The following DOCK1 variants were observed in gnomAD, a reference collection of about 807,000 sequenced individuals.
DOCK1 encodes dedicator of cytokinesis protein 1.
In DOCK1, 138 loss-of-function variants were observed where a neutral mutation model predicts 262.7. The observed-to-expected ratio is 0.53, with a 90% CI of 0.46 to 0.61. The LOEUF (loss-of-function observed/expected upper bound fraction) is 0.61, where lower values mean the gene tolerates loss of function less well. DOCK1 is among the 20% of genes least tolerant of loss of function. The pLI is 0.00. For synonymous variants in DOCK1, 866 were observed against 867.4 expected, an observed-to-expected ratio of 1.00 and a Z score of 0.03; for missense variants, 1,908 against 2,370.7, an observed-to-expected ratio of 0.80 and a Z score of 4.05.
At chr10:126,966,164 C>A (rs2037660969) in intron 1 of DOCK1, among the ~76,000 whole-genome samples, 1 of 152,210 alleles carries the variant, frequency 6.6e-6, no homozygotes, top group African/African-American at 2.4e-5. Flanking sequence ...TCCTCCAATT[C>A]CATCCATGTT....
intron 25 of DOCK1, among the ~76,000 whole-genome samples, chr10:127,110,659 A>G (rs963039248): frequency 4.6e-5 from 7 of 152,302 alleles, no homozygotes; most frequent in Admixed American, 2.6e-4. Flanking sequence ...TGGGGAGGCA[A>G]TCACTTCGCT....
intron 23 of DOCK1, among the ~76,000 whole-genome samples, chr10:127,094,659 A>C (rs1309252610): frequency 6.6e-6 from 1 of 152,210 alleles, no homozygotes; most frequent in East Asian, 1.9e-4. Flanking sequence ...GCTGTCCTGC[A>C]CACACTTATC....
intron 27 of DOCK1, among the ~76,000 whole-genome samples, chr10:127,225,057 A>G (rs574329062): frequency 6.6e-6 from 1 of 152,328 alleles, no homozygotes; most frequent in African/African-American, 2.4e-5. Context: ...CCTGAAGTTC[A>G]TATTTTCCAC....
rs540961661 is a variant in DOCK1, at chr10:127,041,258, C to T, written c.2011-1367C>T. ...GATTACAAGCGTGTGCCACCATGCC[C>T]GGCTAGTTTTGTATTTTTAGTAGAG... On this transcript the variant is annotated intron_variant, in intron 19 of 51. Transcript: ENST00000623213. Among the ~76,000 whole-genome samples, 25 of 152,146 alleles carry T rather than the reference C, an allele frequency of 1.6e-4. No individual in the cohort carries two copies. In the East Asian group the frequency reaches 1.9e-3, roughly 12 times the overall value.
At chr10:127,026,294 G>A in intron 15 of DOCK1, 58 bp from the exon 16 acceptor site, 1 of 1,463,592 alleles carries the variant, frequency 6.8e-7, no homozygotes, top group South Asian at 1.2e-5. Context: ...GTTGAATAAA[G>A]CTGTTACGCT....
At chr10:127,410,383 T>C (rs2134385979) in intron 42 of DOCK1, among the ~76,000 whole-genome samples, 1 of 152,348 alleles carries the variant, frequency 6.6e-6, no homozygotes. Context: ...GCCCTGTGCA[T>C]GCGGAAAGCC....
At chr10:126,981,350 A>C (rs1489084724) in intron 3 of DOCK1, among the ~76,000 whole-genome samples, 1 of 152,208 alleles carries the variant, frequency 6.6e-6, no homozygotes. Flanking sequence ...TCACATGTGC[A>C]TTGCACTTGA....
chr10:127,344,115 G>T, intron 31 of DOCK1: 1 of 181,622 alleles, frequency 5.5e-6, no homozygotes, highest in Non-Finnish European at 1.1e-5. Flanking sequence ...TGGCTCTATT[G>T]GGATTGTTGA....
intron 29 of DOCK1, among the ~76,000 whole-genome samples, chr10:127,266,078 C>G (rs932821208): frequency 2.0e-5 from 3 of 152,372 alleles, no homozygotes; most frequent in African/African-American, 7.2e-5. Flanking sequence ...GGCCTGCCCC[C>G]AGGACCATGG....
intron 23 of DOCK1, among the ~76,000 whole-genome samples, chr10:127,073,097 TGTTTTAA>T (rs1341230668): frequency 2.0e-5 from 3 of 152,256 alleles, no homozygotes; most frequent in Non-Finnish European, 4.4e-5. Context: ...ATTCTTTTTA[TGTTTTAA>T]GTTTTAAGTT....
In DOCK1 at chr10:127,418,342, C is replaced by T. The variant is rs567808892; in HGVS notation, c.4516-23C>T. ...GTGGAGGCAGCTGTGGGGCTGACATCGGGCTCTCCTCTCTCTTTGCAGGTG... is the reference window on the plus strand; with the variant it reads ...GTGGAGGCAGCTGTGGGGCTGACATTGGGCTCTCCTCTCTCTTTGCAGGTG... On this transcript the variant is annotated intron_variant, in intron 44 of 51. Coordinates refer to ENST00000623213, the MANE Select transcript of DOCK1 (RefSeq NM_001290223.2). The T allele has an allele frequency of 5.1e-6, 8 of 1,581,650 alleles. No individual in the cohort carries two copies. In the East Asian group the frequency reaches 6.8e-5, roughly 13 times the overall value.
chr10:126,998,286 G>A, intron 8 of DOCK1, 37 bp downstream of exon 8: 3 of 1,612,356 alleles, frequency 1.9e-6, no homozygotes, highest in Non-Finnish European at 1.7e-6. Flanking sequence ...TTTCCTCTTT[G>A]GTTAGTGTTA....
chr10:127,379,710 C>T (rs371691248), intron 35 of DOCK1, among the ~76,000 whole-genome samples: 97 of 152,178 alleles, frequency 6.4e-4, no homozygotes, highest in African/African-American at 2.2e-3. Flanking sequence ...TTGCTTATTC[C>T]CAAATTTGGG....
chr10:127,310,386 C>A (rs994243152), intron 29 of DOCK1, among the ~76,000 whole-genome samples: 1 of 152,028 alleles, frequency 6.6e-6, no homozygotes, highest in Non-Finnish European at 1.5e-5. Context: ...GCCCCGGCAG[C>A]TGAGTGCTAA....
rs570835420 is a variant in DOCK1, at chr10:127,160,647, T to A, written c.2847+32883T>A. 1.1e-4 allele frequency among the ~76,000 whole-genome samples: 17 copies of A among 152,338 alleles called. No individual in the cohort carries two copies. The East Asian group carries it at 3.3e-3, about 29-fold the overall frequency. ...TCTTCAAAATGTTCATTACATAGGGTATGGCAATTGTCACACTGAATCAAT... is the reference window on the plus strand; with the variant it reads ...TCTTCAAAATGTTCATTACATAGGGAATGGCAATTGTCACACTGAATCAAT... On this transcript the variant is annotated intron_variant, in intron 27 of 51. Coordinates refer to ENST00000623213, the MANE Select transcript of DOCK1 (RefSeq NM_001290223.2).
At chr10:127,156,857 C>T (rs2053136177) in intron 27 of DOCK1, among the ~76,000 whole-genome samples, 1 of 152,182 alleles carries the variant, frequency 6.6e-6, no homozygotes, top group Non-Finnish European at 1.5e-5. Flanking sequence ...CGTGTGCCAC[C>T]ATGCCTGGCC....
chr10:127,367,228 C>A (rs77636881), intron 33 of DOCK1, among the ~76,000 whole-genome samples: 1 of 152,180 alleles, frequency 6.6e-6, no homozygotes, highest in Non-Finnish European at 1.5e-5. Flanking sequence ...GCCGCAGTGG[C>A]GGGCATTTCA....
chr10:127,197,205 C>T (rs2134192385), intron 27 of DOCK1, among the ~76,000 whole-genome samples: 1 of 152,174 alleles, frequency 6.6e-6, no homozygotes, highest in Admixed American at 6.5e-5. Flanking sequence ...AGGGACACTC[C>T]AGAGCAGGCG....
intron 1 of DOCK1, among the ~76,000 whole-genome samples, chr10:126,938,748 TGA>T: frequency 7.0e-6 from 1 of 142,364 alleles, no homozygotes; most frequent in South Asian, 2.1e-4. Context: ...CCAGAGGGGA[TGA>T]ACACCGGAGG....
Sources: allele counts gnomAD v4.1 joint callset (sites outside exome capture counted in the v4.1 genomes callset), GRCh38; gene constraint gnomAD v4.1.1; transcripts MANE v1.5; gene names NCBI Gene and HGNC (gene_info 2026-07-23, HGNC 2026-07-21).